The following BTRC variants were observed in gnomAD, a reference collection of about 807,000 sequenced individuals.
BTRC encodes the protein F-box/WD repeat-containing protein 1A.
A neutral mutation model predicts 85.5 loss-of-function variants in BTRC; 42 were observed. The ratio of observed to expected loss-of-function variants is 0.49; its 90% CI spans 0.38 to 0.64. The LOEUF (loss-of-function observed/expected upper bound fraction) is 0.64. Among genes scored for constraint, BTRC ranks in the 30% least tolerant of loss-of-function variants. The pLI is 0.00. For missense variants in BTRC, 594 were observed against 743.5 expected (o/e 0.80, Z 2.34); for synonymous variants, 255 against 263.3 (o/e 0.97, Z 0.30).
Position 101,479,368 on chromosome 10 carries a change from A to T in BTRC, c.235A>T (p.Thr79Ser). 6.2e-7 allele frequency: 1 copy of T among 1,611,176 alleles called. No individual in the cohort carries two copies. Among genetic ancestry groups the T allele is most frequent in the Non-Finnish European group, 8.5e-7 (1 of 1,177,798 alleles). Residue 79 changes from threonine to serine, a missense_variant and splice_region_variant, in exon 4 of 15, where the codon ACA becomes TCA. Around this residue, in one of 4 missense-constraint regions of BTRC, gnomAD observed 163 missense variants for 180.5 expected, o/e 0.90. Transcript: ENST00000370187. ...IIPEKNSLRQ[T>S]YNSCARLCLN... ...TGTTTCCAACAAATTCTCTTTACAG[A>T]CATACAACAGCTGTGCCAGACTCTG...
At chr10:101,388,646 C>G (rs898437513) in intron 1 of BTRC, among the ~76,000 whole-genome samples, 3 of 151,622 alleles carry the variant, frequency 2.0e-5, no homozygotes, top group Non-Finnish European at 4.4e-5. Context: ...CCCACCACCA[C>G]GCTTGGCTAA....
At chr10:101,388,329 A>G (rs1943138703) in intron 1 of BTRC, among the ~76,000 whole-genome samples, 1 of 100,978 alleles carries the variant, frequency 9.9e-6, no homozygotes. Flanking sequence ...CACCCAGCTA[A>G]TTTTTATTTT....
chr10:101,366,951 T>TATATATTTTTATATATAA (rs1942447983), intron 1 of BTRC, among the ~76,000 whole-genome samples: 1 of 52,954 alleles, frequency 1.9e-5, no homozygotes, highest in Non-Finnish European at 3.9e-5. Context: ...TATATATTTA[T>TATATATTTTTATATATAA]ATATATATTT....
At chr10:101,390,765 AAAAGAAAG>A (rs370701476) in intron 1 of BTRC, among the ~76,000 whole-genome samples, 66 of 115,158 alleles carry the variant, frequency 5.7e-4, no homozygotes, top group Admixed American at 1.1e-3. Context: ...TTTGTCTTAA[AAAAGAAAG>A]AAAGAAAGAA....
At chr10:101,501,187 C>CAAA (rs61126147) in intron 4 of BTRC, among the ~76,000 whole-genome samples, 6 of 132,530 alleles carry the variant, frequency 4.5e-5, no homozygotes, top group South Asian at 2.5e-4. Flanking sequence ...GACTGCGTCT[C>CAAA]AAAAAAAAAA....
chr10:101,471,550 T>C (rs923078273), intron 3 of BTRC, among the ~76,000 whole-genome samples: 1 of 152,178 alleles, frequency 6.6e-6, no homozygotes, highest in Admixed American at 6.5e-5. Context: ...CTTTTTTAAG[T>C]GTTTGCCAGG....
rs59043567 is a variant in BTRC at position 101,471,620 on chromosome 10, T to C, written c.235-7748T>C. Among the ~76,000 whole-genome samples the C allele has an allele frequency of 4.4e-3, 672 of 152,300 alleles. 9 individuals are homozygous for C. Among genetic ancestry groups the C allele is most frequent in the African/African-American group, 0.015 (638 of 41,556 alleles). ...GAATTGGGAAATCTTCCTCCCATCC[T>C]CCTCTGTTTTCTAAAAGCACTTGTG... On this transcript the variant is annotated intron_variant, in intron 3 of 14. Coordinates refer to ENST00000370187, the MANE Select transcript of BTRC (RefSeq NM_033637.4).
chr10:101,366,890 A>ATATATATTAATATATATT (rs1942425264), intron 1 of BTRC, among the ~76,000 whole-genome samples: 1 of 24,636 alleles, frequency 4.1e-5, no homozygotes, highest in African/African-American at 1.0e-4. Flanking sequence ...ATATATATTT[A>ATATATATTAATATATATT]TATATATTTA....
intron 2 of BTRC, among the ~76,000 whole-genome samples, chr10:101,444,630 C>T (rs906661147): frequency 6.6e-6 from 1 of 152,110 alleles, no homozygotes; most frequent in Middle Eastern, 3.2e-3. Context: ...ACACAAAATA[C>T]ACTGCAAGCA....
rs139134033 is a variant in BTRC at position 101,458,952 on chromosome 10, T to G, written c.157-3029T>G. On this transcript the variant is annotated intron_variant, in intron 2 of 14. Coordinates refer to ENST00000370187, the MANE Select transcript of BTRC (RefSeq NM_033637.4). Reference sequence around the variant, plus strand: ...GTTAACTTGTCAAACTTTCACTCACTTATTGTAGTTTTAAATTTTACTTAG... The same window carrying G: ...GTTAACTTGTCAAACTTTCACTCACGTATTGTAGTTTTAAATTTTACTTAG... Among the ~76,000 whole-genome samples the G allele has an allele frequency of 5.0e-3, 757 of 152,312 alleles. 8 individuals are homozygous for G. Among genetic ancestry groups the G allele is most frequent in the African/African-American group, 0.017 (712 of 41,568 alleles).
chr10:101,490,817 G>A (rs553161067), intron 4 of BTRC, among the ~76,000 whole-genome samples: 2 of 152,266 alleles, frequency 1.3e-5, no homozygotes, highest in South Asian at 4.1e-4. Context: ...CCAGCACTTT[G>A]GGAGGCCTAG....
At chr10:101,448,706 A>T (rs1419784228) in intron 2 of BTRC, among the ~76,000 whole-genome samples, 1 of 152,040 alleles carries the variant, frequency 6.6e-6, no homozygotes, top group Non-Finnish European at 1.5e-5. Flanking sequence ...GGAAAGCAGG[A>T]TTTACAGCAG....
intron 1 of BTRC, among the ~76,000 whole-genome samples, chr10:101,377,852 G>C (rs1211291779): frequency 6.6e-6 from 1 of 152,024 alleles, no homozygotes; most frequent in Non-Finnish European, 1.5e-5. Context: ...TGACAGTGTG[G>C]ATAAGAGAGT....
At chr10:101,371,424 G>A (rs1246493870) in intron 1 of BTRC, among the ~76,000 whole-genome samples, 5 of 152,242 alleles carry the variant, frequency 3.3e-5, no homozygotes, top group East Asian at 1.9e-4. Context: ...TGATCCGCCC[G>A]CCTCGGCCTC....
intron 5 of BTRC, among the ~76,000 whole-genome samples, chr10:101,525,226 C>T (rs1045322376): frequency 1.1e-4 from 16 of 152,162 alleles, no homozygotes; most frequent in African/African-American, 3.9e-4. Flanking sequence ...GGAAGCCCTT[C>T]TGGTTTACAC....
rs901098436 is a variant in BTRC, at chr10:101,443,341, C to T, written c.156+12889C>T. 3.9e-5 allele frequency among the ~76,000 whole-genome samples: 6 copies of T among 152,042 alleles called. No individual in the cohort carries two copies. In the East Asian group the frequency reaches 5.8e-4, roughly 15 times the overall value. ...TGTAAAACATGCAAATGTAGTCCTGCGCAACATTAAAAGCAAATAAATACA... is the reference window on the plus strand; with the variant it reads ...TGTAAAACATGCAAATGTAGTCCTGTGCAACATTAAAAGCAAATAAATACA... On this transcript the variant is annotated intron_variant, in intron 2 of 14. Transcript: ENST00000370187.
At chr10:101,551,196 C>T in intron 14 of BTRC, 1 of 214,258 alleles carries the variant, frequency 4.7e-6, no homozygotes. Flanking sequence ...AGTTTGAAAA[C>T]TAAGTACTGT....
intron 4 of BTRC, among the ~76,000 whole-genome samples, chr10:101,481,883 C>T (rs539144102): frequency 1.3e-5 from 2 of 152,340 alleles, no homozygotes; most frequent in South Asian, 4.1e-4. Context: ...TGGCCCACAT[C>T]CTGTCTTCTG....
chr10:101,524,818 C>T (rs2062166480), intron 5 of BTRC, among the ~76,000 whole-genome samples: 3 of 152,288 alleles, frequency 2.0e-5, no homozygotes, highest in South Asian at 4.1e-4. Flanking sequence ...TCTCCATCTG[C>T]TTATGCTTAC....
Sources: allele counts gnomAD v4.1 joint callset (sites outside exome capture counted in the v4.1 genomes callset), GRCh38; gene constraint gnomAD v4.1.1; regional missense constraint gnomAD v4.1.1; transcripts MANE v1.5; gene names NCBI Gene and HGNC (gene_info 2026-07-23, HGNC 2026-07-21).